The following PCDHA10 variants were observed in gnomAD, a reference collection of about 807,000 sequenced individuals.
The protein encoded by PCDHA10 is protocadherin alpha 10.
Under a neutral mutation model 61.2 loss-of-function variants are expected in PCDHA10, and 45 were observed. That is an observed-to-expected ratio of 0.74 (90% CI 0.58 to 0.94). The LOEUF is 0.94. Among genes scored for constraint, PCDHA10 ranks in the 40% least tolerant of loss-of-function variants. The pLI is 0.00. For synonymous variants in PCDHA10, 602 were observed against 548.8 expected (o/e 1.10, Z -1.35); for missense variants, 1,278 against 1,236.2 (o/e 1.03, Z -0.51).
At chr5:140,947,854 A>G (rs2094183959) in intron 1 of PCDHA10, among the ~76,000 whole-genome samples, 1 of 151,504 alleles carries the variant, frequency 6.6e-6, no homozygotes, top group Non-Finnish European at 1.5e-5. Context: ...TTATTTTGTC[A>G]TTATAATGGC....
At chr5:140,951,832 C>A (rs2094641157) in intron 1 of PCDHA10, among the ~76,000 whole-genome samples, 1 of 152,142 alleles carries the variant, frequency 6.6e-6, no homozygotes, top group East Asian at 1.9e-4. Context: ...CTCATTCCAG[C>A]ATTAAGCCAA....
intron 1 of PCDHA10, chr5:140,860,800 C>A (rs1270356784): frequency 1.3e-5 from 2 of 152,198 alleles, no homozygotes; most frequent in Non-Finnish European, 2.9e-5. Context: ...TGCAGTGGCA[C>A]GATCTCGGCT....
chr5:141,010,343 G>C lies in PCDHA10; in HGVS notation c.*406G>C. 1 of 1,518,858 alleles carries C rather than the reference G, an allele frequency of 6.6e-7. No homozygotes were observed. Among genetic ancestry groups the C allele is most frequent in the Admixed American group, 2.1e-5 (1 of 46,514 alleles). 94.1% of individuals were successfully genotyped at this position (1,518,858 alleles called of 1,614,324 possible). A position where few individuals can be genotyped will look rare whatever the true frequency, so the allele number is the denominator to read the frequency against. On this transcript the variant is annotated 3_prime_UTR_variant, in exon 4 of 4. Coordinates refer to ENST00000307360, the MANE Select transcript of PCDHA10 (RefSeq NM_018901.4). ...GCAGCTTGGGAGTTTGTGGCCACTGGGTATGTGTGGCTACCGCGGGTATGC... is the reference window on the plus strand; with the variant it reads ...GCAGCTTGGGAGTTTGTGGCCACTGCGTATGTGTGGCTACCGCGGGTATGC...
At position 140,884,044 on chromosome 5, in the gene PCDHA10, G is replaced by T. The variant is rs374333847; in HGVS notation, c.2388+25608G>T. On this transcript the variant is annotated intron_variant, in intron 1 of 3. Coordinates refer to ENST00000307360, the MANE Select transcript of PCDHA10 (RefSeq NM_018901.4). ...CGGTGGGTGCAGGCCACGTGGTGGC[G>T]AAGGTGCGCGCGGTGGACGCCGATT... 2.5e-6 allele frequency: 4 copies of T among 1,613,476 alleles called. No homozygotes were observed. In the South Asian group the frequency reaches 3.3e-5, roughly 13 times the overall value.
chr5:140,901,690 T>C (rs566618023), intron 1 of PCDHA10, among the ~76,000 whole-genome samples: 22 of 152,340 alleles, frequency 1.4e-4, no homozygotes, highest in African/African-American at 5.3e-4. Flanking sequence ...ATGGGTATTT[T>C]GTAGTTCTAT....
At chr5:140,858,889 A>G (rs1265560651) in intron 1 of PCDHA10, 1 of 236,296 alleles carries the variant, frequency 4.2e-6, no homozygotes. Context: ...CATGTGTAGA[A>G]TATGTGTAGC....
At chr5:140,969,241 A>G (rs1554231627) in intron 1 of PCDHA10, 2 of 1,614,230 alleles carry the variant, frequency 1.2e-6, no homozygotes, top group Admixed American at 3.3e-5. Context: ...CCCAAGCAGC[A>G]GTGACTGACA....
rs782131708 is a variant in PCDHA10, at chr5:140,869,055, G to A, written c.2388+10619G>A. The A allele has an allele frequency of 1.9e-6, 3 of 1,547,114 alleles. No homozygotes were observed. In the South Asian group the frequency reaches 3.8e-5, roughly 20 times the overall value. ...TTTTTAACCTGAAACTGAAGAATCTGGTACTGTAAGTGTAAAGAAGCTTAT... is the reference window on the plus strand; with the variant it reads ...TTTTTAACCTGAAACTGAAGAATCTAGTACTGTAAGTGTAAAGAAGCTTAT... On this transcript the variant is annotated intron_variant, in intron 1 of 3. Coordinates refer to ENST00000307360, the MANE Select transcript of PCDHA10 (RefSeq NM_018901.4).
intron 1 of PCDHA10, chr5:140,966,810 G>C (rs1290992432): frequency 3.2e-6 from 5 of 1,548,566 alleles, no homozygotes; most frequent in Non-Finnish European, 4.3e-6. Context: ...GAGCATCCAC[G>C]GCTCCGGCGG....
intron 1 of PCDHA10, among the ~76,000 whole-genome samples, chr5:140,924,896 AAAAAAAAAATAAAAT>A (rs1195249436): frequency 5.8e-5 from 4 of 69,076 alleles, no homozygotes; most frequent in Non-Finnish European, 9.1e-5. Flanking sequence ...ACCTGTCTCA[AAAAAAAAAATAAAAT>A]AAAATAAAAT....
chr5:141,009,649 C>G lies in PCDHA10; in HGVS notation c.2559C>G (p.Ser853=). The change falls in exon 4 of 4, where the codon TCC becomes TCG. Residue 853 remains serine, a synonymous_variant. Coordinates refer to ENST00000307360, the MANE Select transcript of PCDHA10 (RefSeq NM_018901.4). ...ATPEPEAGEV[S]PPVGAGVNSN... ...CAGAACCAGAGGCAGGAGAAGTGTC[C>G]CCTCCAGTCGGTGCGGGTGTCAACA... 1 of 1,613,646 alleles carries G rather than the reference C, an allele frequency of 6.2e-7. No homozygotes were observed. The highest frequency in any genetic ancestry group is 8.5e-7 in the Non-Finnish European group (1 of 1,179,816).
At position 140,867,369 on chromosome 5, in the gene PCDHA10, G is replaced by A. The variant is rs554108396; in HGVS notation, c.2388+8933G>A. On this transcript the variant is annotated intron_variant, in intron 1 of 3. Coordinates refer to ENST00000307360, the MANE Select transcript of PCDHA10 (RefSeq NM_018901.4). ...CTATGATTGATTATTTTACAGATGC[G>A]TAATGGAATTAACGGTTATAAAAGT... is the stretch of plus-strand genomic sequence containing the variant. 21 of 152,194 alleles carry A rather than the reference G, an allele frequency of 1.4e-4. 1 individual carries two copies. Among genetic ancestry groups the A allele is most frequent in the South Asian group, 1.0e-3 (5 of 4,822 alleles). The allele number at this position is 152,194 out of a possible 1,614,324, so 9.4% of individuals were successfully genotyped here.
At chr5:140,966,593 A>G in intron 1 of PCDHA10, 1 of 595,648 alleles carries the variant, frequency 1.7e-6, no homozygotes, top group Non-Finnish European at 2.6e-6. Context: ...CGGTGGGGCC[A>G]GGAGCCCTTG....
At chr5:140,946,287 A>G (rs1484519782) in intron 1 of PCDHA10, among the ~76,000 whole-genome samples, 1 of 152,032 alleles carries the variant, frequency 6.6e-6, no homozygotes, top group African/African-American at 2.4e-5. Flanking sequence ...ATGAGATATC[A>G]CCTCACACCT....
At chr5:140,911,271 C>G (rs2075400243) in intron 1 of PCDHA10, among the ~76,000 whole-genome samples, 1 of 152,072 alleles carries the variant, frequency 6.6e-6, no homozygotes, top group Non-Finnish European at 1.5e-5. Flanking sequence ...TCTCAGTGTC[C>G]CCAGCTTCAT....
chr5:140,929,436 C>T, intron 1 of PCDHA10: 1 of 1,470,330 alleles, frequency 6.8e-7, no homozygotes, highest in Non-Finnish European at 9.1e-7. Context: ...TTGAACTAAA[C>T]ACTCCTTCTT....
rs1266010631 is a variant in PCDHA10, at chr5:140,857,226, C to T, written c.1178C>T (p.Pro393Leu). 4.4e-6 allele frequency: 7 copies of T among 1,598,494 alleles called. 1 individual carries two copies. Among genetic ancestry groups the T allele is most frequent in the Non-Finnish European group, 5.1e-6 (6 of 1,167,908 alleles). Residue 393 changes from proline (P) to leucine (L), a missense_variant, in exon 1 of 4, where the codon CCG (proline) becomes CTG (leucine). Pro to Leu is a moderately conservative substitution (Grantham distance 98). Coordinates refer to ENST00000307360, the MANE Select transcript of PCDHA10 (RefSeq NM_018901.4). ...ACCTGCTCTCTGACGCCTCACGTTC[C>T]GTTCAAGCTGGTGTCCACCTACAAG... Reference protein sequence around the residue: ...QVTCSLTPHVPFKLVSTYKNY... With the variant: ...QVTCSLTPHVLFKLVSTYKNY...
At chr5:140,875,254 T>A in intron 1 of PCDHA10, 1 of 1,054,680 alleles carries the variant, frequency 9.5e-7, no homozygotes, top group Non-Finnish European at 1.3e-6. Context: ...ATCAGTCACA[T>A]GATGTCGCTC....
chr5:140,877,220 G>C (rs560974692), intron 1 of PCDHA10: 2 of 1,613,740 alleles, frequency 1.2e-6, no homozygotes, highest in East Asian at 2.2e-5. Context: ...TTGGTACCGC[G>C]GTCGGTGGGT....
Sources: gnomAD v4.1 joint callset for allele counts (sites outside exome capture counted in the v4.1 genomes callset) on GRCh38, gnomAD v4.1.1 for gene constraint, MANE v1.5 for transcripts, NCBI Gene and HGNC (gene_info 2026-07-23, HGNC 2026-07-21) for gene names.